Variants in SORT1 observed in about 807,000 individuals in gnomAD.
SORT1 encodes sortilin.
A neutral mutation model predicts 101.7 loss-of-function variants in SORT1; 39 were observed. That is an observed-to-expected ratio of 0.38 (90% CI 0.30 to 0.50). SORT1 has a LOEUF of 0.50. Ranked by LOEUF, SORT1 falls within the 20% of genes least tolerant of loss-of-function variation. SORT1 has a pLI of 0.90. For missense variants in SORT1, 878 were observed against 1,040.4 expected (o/e 0.84, Z 2.15); for synonymous variants, 396 against 393.7 (o/e 1.01, Z -0.07).
chr1:109,374,951 C>T (rs1166511047), intron 1 of SORT1, among the ~76,000 whole-genome samples: 1 of 152,154 alleles, frequency 6.6e-6, no homozygotes, highest in East Asian at 1.9e-4. Context: ...GAGTGAGACT[C>T]CGTCTCAAAA....
intron 2 of SORT1, chr1:109,368,461 C>T (rs186492813): frequency 2.6e-5 from 4 of 152,222 alleles, no homozygotes; most frequent in Admixed American, 2.0e-4. Context: ...TTACAATTTG[C>T]TTTTCAGCAC....
At chr1:109,385,514 C>G (rs960059630) in intron 1 of SORT1, among the ~76,000 whole-genome samples, 1 of 152,140 alleles carries the variant, frequency 6.6e-6, no homozygotes, top group African/African-American at 2.4e-5. Flanking sequence ...ATTGTTATAT[C>G]TTAGTTCATT....
chr1:109,381,832 C>A (rs890104001), intron 1 of SORT1, among the ~76,000 whole-genome samples: 1 of 151,640 alleles, frequency 6.6e-6, no homozygotes, highest in Non-Finnish European at 1.5e-5. Context: ...CCACTGCACT[C>A]TAGTCTGGAT....
intron 16 of SORT1, among the ~76,000 whole-genome samples, 171 bp from the exon 17 acceptor site, chr1:109,317,129 T>C (rs997034185): frequency 4.6e-5 from 7 of 152,160 alleles, no homozygotes; most frequent in Admixed American, 6.5e-5. Context: ...TTTTGTGTAG[T>C]TTCAGGCCTT....
Position 109,367,100 on chromosome 1 carries a change from G to A in SORT1, c.440+308C>T, listed in dbSNP as rs539266911. The A allele has an allele frequency of 2.1e-4, 47 of 226,632 alleles. No individual in the cohort carries two copies. In the South Asian group the frequency reaches 3.1e-3, roughly 15 times the overall value. The allele number at this position is 226,632 out of a possible 1,614,324, so 14.0% of individuals were successfully genotyped here. On this transcript the variant is annotated intron_variant, in intron 3 of 19. Coordinates refer to ENST00000256637, the MANE Select transcript of SORT1 (RefSeq NM_002959.7). ...AAATTAGCTGGGCATGGTAGCGTGT[G>A]CCTGCAGTCCCAGCTACCTGGGAGG...
intron 18 of SORT1, 74 bp downstream of exon 18, chr1:109,314,598 A>C (rs970686665): frequency 8.4e-7 from 1 of 1,184,898 alleles, no homozygotes; most frequent in Admixed American, 1.9e-5. Flanking sequence ...TGCCAAGAGT[A>C]GACTCAGCCA....
rs535976068 is a variant in SORT1 at position 109,358,724 on chromosome 1, C to T, written c.441-3255G>A. Among the ~76,000 whole-genome samples, 4 of 152,086 alleles carry T rather than the reference C, an allele frequency of 2.6e-5. No homozygotes were observed. In the East Asian group the frequency reaches 7.8e-4, roughly 29 times the overall value. ...CAAAAATTAGCCAGGCATGGTGGCACGCGCCTGAAATCCCTGCTACTCAGG... is the reference window on the plus strand; with the variant it reads ...CAAAAATTAGCCAGGCATGGTGGCATGCGCCTGAAATCCCTGCTACTCAGG... On this transcript the variant is annotated intron_variant, in intron 3 of 19. Coordinates refer to ENST00000256637, the MANE Select transcript of SORT1 (RefSeq NM_002959.7).
At chr1:109,317,008 G>A in intron 16 of SORT1, 50 bp from the exon 17 acceptor site, 1 of 1,153,310 alleles carries the variant, frequency 8.7e-7, no homozygotes, top group Non-Finnish European at 1.3e-6. Context: ...GTATTCCTGG[G>A]TACCTGCCTA....
intron 11 of SORT1, among the ~76,000 whole-genome samples, chr1:109,330,233 T>C (rs1236356671): frequency 6.6e-6 from 1 of 152,162 alleles, no homozygotes; most frequent in Non-Finnish European, 1.5e-5. Context: ...GACCTCGTGA[T>C]CCACCCACCT....
chr1:109,371,118 G>A (rs1167119884), intron 1 of SORT1, among the ~76,000 whole-genome samples: 1 of 152,168 alleles, frequency 6.6e-6, no homozygotes, highest in Admixed American at 6.5e-5. Context: ...AGTGCCTCAC[G>A]CAGGTCTTGC....
chr1:109,397,301 T>C (rs1028922840), intron 1 of SORT1: 25 of 153,932 alleles, frequency 1.6e-4, no homozygotes, highest in Non-Finnish European at 3.3e-4. Context: ...GTCCTGATTA[T>C]TTATACAGAC....
intron 8 of SORT1, 96 bp downstream of exon 8, chr1:109,345,655 G>T: frequency 1.6e-6 from 2 of 1,227,402 alleles, no homozygotes; most frequent in Non-Finnish European, 2.3e-6. Flanking sequence ...ATAACAAAAA[G>T]ACAAGAAACT....
chr1:109,324,232 G>T (rs903492409), intron 14 of SORT1, among the ~76,000 whole-genome samples: 3 of 151,950 alleles, frequency 2.0e-5, no homozygotes, highest in Admixed American at 2.0e-4. Flanking sequence ...GGGTTCAAAT[G>T]ATTCTCCTGC....
chr1:109,365,556 T>C (rs923900998), intron 3 of SORT1, among the ~76,000 whole-genome samples: 1 of 152,236 alleles, frequency 6.6e-6, no homozygotes, highest in Non-Finnish European at 1.5e-5. Flanking sequence ...TCACCTACTA[T>C]AGCGCTTTCT....
chr1:109,350,917 T>C lies in SORT1; in HGVS notation c.782+12A>G. ...TTAGGGCTCTGCACAGATGGAGTCTTCTGTTACTCACCATTTGGCCAAACA... is the reference window on the plus strand; with the variant it reads ...TTAGGGCTCTGCACAGATGGAGTCTCCTGTTACTCACCATTTGGCCAAACA... On this transcript the variant is annotated intron_variant, in intron 6 of 19. Transcript: ENST00000256637. 1.3e-6 allele frequency: 2 copies of C among 1,589,178 alleles called. No homozygotes were observed. Among genetic ancestry groups the C allele is most frequent in the Non-Finnish European group, 8.6e-7 (1 of 1,157,158 alleles).
At chr1:109,350,874 A>C in intron 6 of SORT1, 55 bp downstream of exon 6, 3 of 1,108,382 alleles carry the variant, frequency 2.7e-6, no homozygotes, top group Non-Finnish European at 4.2e-6. Context: ...GATTTTTGGC[A>C]GCGCTATCAG....
rs1658780883 is a variant in SORT1, at chr1:109,312,429, C to G, written c.*1614G>C. 6.6e-6 allele frequency: 1 copy of G among 152,442 alleles called. No individual in the cohort carries two copies. The highest frequency in any genetic ancestry group is 1.5e-5 in the Non-Finnish European group (1 of 68,026). 9.4% of individuals were successfully genotyped at this position (152,442 alleles called of 1,614,324 possible). On this transcript the variant is annotated 3_prime_UTR_variant, in exon 20 of 20. Transcript: ENST00000256637. Reference sequence around the variant, plus strand: ...CTCCATCCACTCTCTCCCCCACTTTCCACGCAGCTGTTAATCCATTCTGGG... The same window carrying G: ...CTCCATCCACTCTCTCCCCCACTTTGCACGCAGCTGTTAATCCATTCTGGG...
intron 17 of SORT1, 37 bp downstream of exon 17, chr1:109,316,813 C>G: frequency 1.5e-6 from 2 of 1,290,324 alleles, no homozygotes; most frequent in Non-Finnish European, 2.2e-6. Flanking sequence ...ACACAAAATC[C>G]CATTTGTACC....
At chr1:109,351,521 A>G (rs530167921) in intron 5 of SORT1, among the ~76,000 whole-genome samples, 1 of 152,322 alleles carries the variant, frequency 6.6e-6, no homozygotes, top group East Asian at 1.9e-4. Flanking sequence ...TAGCAAACGC[A>G]AGGAGGTCAT....
Sources: allele counts gnomAD v4.1 joint callset (sites outside exome capture counted in the v4.1 genomes callset), GRCh38; gene constraint gnomAD v4.1.1; transcripts MANE v1.5; gene names NCBI Gene and HGNC (gene_info 2026-07-23, HGNC 2026-07-21).